SIPA1L1: variants seen among roughly 807,000 people sequenced by gnomAD.
SIPA1L1 encodes the protein signal-induced proliferation-associated 1-like protein 1.
Under a neutral mutation model 162.7 loss-of-function variants are expected in SIPA1L1, and 26 were observed. That is an observed-to-expected ratio of 0.16 (90% confidence interval 0.12 to 0.22). The LOEUF (loss-of-function observed/expected upper bound fraction) is 0.22, where lower values mean the gene tolerates loss of function less well. Ranked by LOEUF, SIPA1L1 falls within the 10% of genes least tolerant of loss-of-function variation. SIPA1L1 has a pLI of 1.00. For synonymous variants in SIPA1L1, 829 were observed against 837.4 expected, an observed-to-expected ratio of 0.99 and a Z score of 0.17; for missense variants, 1,874 against 2,241.0, an observed-to-expected ratio of 0.84 and a Z score of 3.31.
intron 3 of SIPA1L1, among the ~76,000 whole-genome samples, chr14:71,521,213 C>G (rs1015856877): frequency 1.3e-5 from 2 of 152,172 alleles, no homozygotes; most frequent in African/African-American, 4.8e-5. Context: ...TCACAAAAGA[C>G]AGATTAACAA....
At chr14:71,600,272 C>T (rs564561980) in intron 5 of SIPA1L1, among the ~76,000 whole-genome samples, 6 of 151,978 alleles carry the variant, frequency 3.9e-5, no homozygotes, top group Non-Finnish European at 8.8e-5. Context: ...GTCTTTAATC[C>T]ATCTTCAGTT....
At chr14:71,555,166 A>C (rs2056242469) in intron 4 of SIPA1L1, among the ~76,000 whole-genome samples, 2 of 152,228 alleles carry the variant, frequency 1.3e-5, no homozygotes, top group Non-Finnish European at 2.9e-5. Context: ...TCTCCTCTGT[A>C]GCTATGAAAG....
At chr14:71,586,918 T>G (rs1197208358) in intron 4 of SIPA1L1, 1 of 152,076 alleles carries the variant, frequency 6.6e-6, no homozygotes, top group Non-Finnish European at 1.5e-5. Flanking sequence ...TTCTGCAATA[T>G]CCTCGTCTCG....
Position 71,723,778 on chromosome 14 carries a change from C to G in SIPA1L1, c.4340C>G (p.Ser1447Cys). ...TTCTCCTCCTCTTCCTCCTCCTCCT[C>G]TGGTCCTAGGAGTTTTTACCCTCGC... ...PSFSSSSSSS[S>C]GPRSFYPRQG... The change falls in exon 18 of 24, where the codon TCT (serine) becomes TGT (cysteine). Residue 1447 changes from serine to cysteine, a missense_variant. This residue lies in a region of SIPA1L1 where 936 missense variants were observed against 1,051.9 expected (regional missense o/e 0.89). Coordinates refer to ENST00000381232, the MANE Select transcript of SIPA1L1 (RefSeq NM_001386936.1). 2 of 1,614,210 alleles carry G rather than the reference C, an allele frequency of 1.2e-6. No individual in the cohort carries two copies. The highest frequency in any genetic ancestry group is 1.7e-6 in the Non-Finnish European group (2 of 1,180,042).
chr14:71,365,422 C>G (rs969293269), intron 2 of SIPA1L1, among the ~76,000 whole-genome samples: 7 of 152,064 alleles, frequency 4.6e-5, no homozygotes, highest in African/African-American at 1.5e-4. Context: ...TTTCAAAGCC[C>G]TCTTTCCACT....
chr14:71,403,760 A>G (rs2041847370), intron 2 of SIPA1L1, among the ~76,000 whole-genome samples: 1 of 152,210 alleles, frequency 6.6e-6, no homozygotes, highest in South Asian at 2.1e-4. Context: ...AGGTTATAGT[A>G]AATGAGCTTG....
intron 2 of SIPA1L1, among the ~76,000 whole-genome samples, chr14:71,404,531 A>G (rs540805647): frequency 6.6e-6 from 1 of 152,354 alleles, no homozygotes; most frequent in Non-Finnish European, 1.5e-5. Flanking sequence ...CCTGGGCTAC[A>G]GAGCCCAAGG....
At chr14:71,453,315 G>A (rs2045954264) in intron 2 of SIPA1L1, among the ~76,000 whole-genome samples, 1 of 152,110 alleles carries the variant, frequency 6.6e-6, no homozygotes, top group Non-Finnish European at 1.5e-5. Flanking sequence ...CCAGGCTGTA[G>A]TGCAGTGGCA....
Position 71,588,259 on chromosome 14 carries a change from A to G in SIPA1L1, c.387A>G (p.Ser129=). 1.2e-6 allele frequency: 2 copies of G among 1,614,194 alleles called. No homozygotes were observed. The highest frequency in any genetic ancestry group is 1.7e-6 in the Non-Finnish European group (2 of 1,180,006). The change falls in exon 5 of 24, where the codon TCA becomes TCG. Residue 129 remains serine (S), a synonymous_variant. Transcript: ENST00000381232. This position sits in a 1 kb window ranked among gnomAD's most constrained non-coding sequence, Gnocchi z 4.3. ...CTGTTAGCCTCAATTCCAATGACTCAGCCATGCTGAAAAGCATACAGAACA... is the reference window on the plus strand; with the variant it reads ...CTGTTAGCCTCAATTCCAATGACTCGGCCATGCTGAAAAGCATACAGAACA... ...GSSVSLNSND[S]AMLKSIQNTL... is the part of the protein sequence containing the mutation.
At chr14:71,720,268 GCCAATAATTCTTAGATTTAC>G (rs2083604218) in intron 17 of SIPA1L1, among the ~76,000 whole-genome samples, 1 of 152,072 alleles carries the variant, frequency 6.6e-6, no homozygotes, top group Non-Finnish European at 1.5e-5. Flanking sequence ...CCTCTTTAGG[GCCAATAATTCTTAGATTTAC>G]CCTTTTGACA....
chr14:71,577,383 T>A (rs563360190), intron 4 of SIPA1L1, among the ~76,000 whole-genome samples: 22 of 152,040 alleles, frequency 1.4e-4, no homozygotes, highest in African/African-American at 4.6e-4. Context: ...GCACTTATTT[T>A]TTTTTTTTTT....
chr14:71,447,835 C>T (rs139468879), intron 2 of SIPA1L1, among the ~76,000 whole-genome samples: 2 of 152,182 alleles, frequency 1.3e-5, no homozygotes, highest in African/African-American at 4.8e-5. Context: ...TCCCAAAATG[C>T]TAGGATTACA....
intron 2 of SIPA1L1, among the ~76,000 whole-genome samples, chr14:71,373,458 A>G (rs1033719080): frequency 1.3e-5 from 2 of 151,710 alleles, no homozygotes; most frequent in Non-Finnish European, 2.9e-5. Context: ...TCCCGCTTCT[A>G]CTAAAAATAT....
At chr14:71,654,836 A>T (rs1555340039) in intron 8 of SIPA1L1, among the ~76,000 whole-genome samples, 1 of 148,694 alleles carries the variant, frequency 6.7e-6, no homozygotes, top group African/African-American at 2.5e-5. Flanking sequence ...ATAAAAAAGC[A>T]TTTTTTTTTT....
At chr14:71,632,357 G>T (rs1200501211) in intron 7 of SIPA1L1, among the ~76,000 whole-genome samples, 1 of 152,084 alleles carries the variant, frequency 6.6e-6, no homozygotes, top group Non-Finnish European at 1.5e-5. Context: ...TCCCCCAAAT[G>T]TCTGTTCTTT....
chr14:71,484,947 A>G (rs1040206800), intron 2 of SIPA1L1, among the ~76,000 whole-genome samples: 152 of 152,344 alleles, frequency 1.0e-3, no homozygotes, highest in African/African-American at 3.5e-3. Flanking sequence ...ACTCTTCTGC[A>G]GTCAGTAGAC....
chr14:71,723,732 C>G lies in SIPA1L1; in HGVS notation c.4294C>G (p.Pro1432Ala). 1 of 1,614,224 alleles carries G rather than the reference C, an allele frequency of 6.2e-7. No individual in the cohort carries two copies. The highest frequency in any genetic ancestry group is 8.5e-7 in the Non-Finnish European group (1 of 1,180,028). ...TAAAGAAGAGCTTCATCCAGCTGCC[C>G]CCTCACAGCTCGCACCATCCTTCTC... is the stretch of plus-strand genomic sequence containing the variant. ...SPKEELHPAA[P>A]SQLAPSFSSS... Residue 1432 changes from proline to alanine, a missense_variant, in exon 18 of 24, where the codon CCC (proline) becomes GCC (alanine). Physicochemically the swap from Pro to Ala is conservative, Grantham distance 27 (BLOSUM62 -1). Transcript: ENST00000381232.
intron 2 of SIPA1L1, among the ~76,000 whole-genome samples, chr14:71,408,382 A>T (rs889369193): frequency 1.3e-5 from 2 of 152,108 alleles, no homozygotes; most frequent in East Asian, 1.9e-4. Context: ...TAGTTTTACC[A>T]TATTTAGGCT....
At chr14:71,714,004 C>T (rs2083074944) in intron 17 of SIPA1L1, among the ~76,000 whole-genome samples, 1 of 152,000 alleles carries the variant, frequency 6.6e-6, no homozygotes, top group Non-Finnish European at 1.5e-5. Flanking sequence ...TCTAAAATAA[C>T]AAAACCAGAA....
Sources: gnomAD v4.1 joint callset for allele counts (sites outside exome capture counted in the v4.1 genomes callset) on GRCh38, gnomAD v4.1.1 for gene constraint, gnomAD v4.1.1 regional missense constraint, Gnocchi (gnomAD v3.1) non-coding constraint, MANE v1.5 for transcripts, NCBI Gene and HGNC (gene_info 2026-07-23, HGNC 2026-07-21) for gene names.